The following SYK variants were observed in gnomAD, a reference collection of about 807,000 sequenced individuals.
SYK encodes tyrosine-protein kinase SYK.
Under a neutral mutation model 77.8 loss-of-function variants are expected in SYK, and 16 were observed. The ratio of observed to expected loss-of-function variants is 0.21; its 90% CI spans 0.14 to 0.31. The LOEUF (loss-of-function observed/expected upper bound fraction) is 0.31. SYK is among the 10% of genes least tolerant of loss of function. The pLI is 1.00. For synonymous variants in SYK, 312 were observed against 308.7 expected (o/e 1.01, Z -0.11); for missense variants, 529 against 814.4 (o/e 0.65, Z 4.26).
intron 3 of SYK, among the ~76,000 whole-genome samples, chr9:90,855,932 A>G (rs1827022590): frequency 6.6e-6 from 1 of 152,230 alleles, no homozygotes; most frequent in African/African-American, 2.4e-5. Context: ...ATTAACAACT[A>G]TGATCATTTG....
intron 3 of SYK, among the ~76,000 whole-genome samples, chr9:90,851,302 C>G (rs904617369): frequency 1.3e-5 from 2 of 152,194 alleles, no homozygotes; most frequent in East Asian, 1.9e-4. Context: ...ATCAGCTTTC[C>G]CCTCTCTTGT....
In SYK at chr9:90,896,203, G is replaced by GA. The variant is rs57651872; in HGVS notation, c.*615dup. On this transcript the variant is annotated 3_prime_UTR_variant, in exon 14 of 14. Coordinates refer to ENST00000375754, the MANE Select transcript of SYK (RefSeq NM_003177.7). ...GTAGCCAGTTAAGGAAAGAAAGAAA[G>GA]AAAAAAAAAAAAGGCCTGGATACTG... The GA allele has an allele frequency of 0.065, 11,788 of 180,036 alleles. 126 individuals carry two copies. The highest frequency in any genetic ancestry group is 0.22 in the East Asian group (2,559 of 11,586). 11.2% of individuals were successfully genotyped at this position (180,036 alleles called of 1,614,324 possible). A position where few individuals can be genotyped will look rare whatever the true frequency, so the allele number is the denominator to read the frequency against.
intron 1 of SYK, among the ~76,000 whole-genome samples, chr9:90,810,980 A>C (rs902717040): frequency 1.5e-4 from 23 of 152,192 alleles, no homozygotes; most frequent in Admixed American, 1.5e-3. Context: ...AAAAAAACAA[A>C]ACTTTGCTCT....
At chr9:90,869,952 A>G (rs2118844356) in intron 7 of SYK, among the ~76,000 whole-genome samples, 2 of 152,270 alleles carry the variant, frequency 1.3e-5, no homozygotes, top group South Asian at 4.1e-4. Context: ...TATTAAAAAT[A>G]CAAAAATTAG....
intron 1 of SYK, among the ~76,000 whole-genome samples, chr9:90,842,956 G>A (rs1454411349): frequency 6.6e-6 from 1 of 152,046 alleles, no homozygotes; most frequent in Non-Finnish European, 1.5e-5. Context: ...TGATTGAGAG[G>A]GAATACTCTC....
At chr9:90,869,205 AT>A (rs1206124732) in intron 7 of SYK, among the ~76,000 whole-genome samples, 10 of 152,118 alleles carry the variant, frequency 6.6e-5, no homozygotes, top group Admixed American at 5.9e-4. Flanking sequence ...ATTTTAATCA[AT>A]TTTTTTAAAA....
intron 7 of SYK, among the ~76,000 whole-genome samples, chr9:90,871,584 C>T (rs751376987): frequency 3.3e-5 from 5 of 152,120 alleles, no homozygotes; most frequent in Non-Finnish European, 5.9e-5. Flanking sequence ...GCATATTCAC[C>T]AAGTGCTTTG....
intron 1 of SYK, among the ~76,000 whole-genome samples, chr9:90,841,195 A>G (rs958293103): frequency 1.4e-5 from 2 of 144,010 alleles, no homozygotes; most frequent in Non-Finnish European, 3.0e-5. Context: ...AGTGTGTAGT[A>G]TGTGTGTTGC....
intron 3 of SYK, among the ~76,000 whole-genome samples, chr9:90,846,679 A>G (rs1826607748): frequency 6.8e-6 from 1 of 146,674 alleles, no homozygotes; most frequent in African/African-American, 2.5e-5. Context: ...AAAGAAAAGA[A>G]AAATTGACCA....
chr9:90,894,171 C>T (rs537441501), intron 13 of SYK, among the ~76,000 whole-genome samples: 1 of 152,328 alleles, frequency 6.6e-6, no homozygotes, highest in South Asian at 2.1e-4. Flanking sequence ...GAGCAGAGCC[C>T]CCTGTTTTGC....
At chr9:90,861,492 T>C (rs1027138247) in intron 3 of SYK, among the ~76,000 whole-genome samples, 5 of 151,702 alleles carry the variant, frequency 3.3e-5, no homozygotes, top group Non-Finnish European at 7.4e-5. Flanking sequence ...AGTCCAGCCC[T>C]GCCTCCCTTT....
At chr9:90,843,686 A>G (rs950403321) in intron 1 of SYK, among the ~76,000 whole-genome samples, 172 bp from the exon 2 acceptor site, 1 of 152,214 alleles carries the variant, frequency 6.6e-6, no homozygotes, top group Non-Finnish European at 1.5e-5. Context: ...TGAAAACTGT[A>G]ATGATGATGT....
chr9:90,893,164 T>C (rs549105123), intron 13 of SYK, among the ~76,000 whole-genome samples: 3 of 152,310 alleles, frequency 2.0e-5, no homozygotes, highest in African/African-American at 7.2e-5. Flanking sequence ...AAAATAAGTG[T>C]GTCCTATGAT....
chr9:90,829,765 G>T (rs1825812579), intron 1 of SYK, among the ~76,000 whole-genome samples: 1 of 152,128 alleles, frequency 6.6e-6, no homozygotes, highest in Non-Finnish European at 1.5e-5. Flanking sequence ...GCACCAGATG[G>T]GCTGGTTGTT....
At chr9:90,881,886 C>T (rs1828173375) in intron 11 of SYK, among the ~76,000 whole-genome samples, 2 of 152,044 alleles carry the variant, frequency 1.3e-5, no homozygotes, top group African/African-American at 4.8e-5. Context: ...CACGGGCTGC[C>T]ACGGCAAAAA....
intron 1 of SYK, among the ~76,000 whole-genome samples, chr9:90,842,273 C>T (rs570572997): frequency 3.6e-5 from 5 of 137,854 alleles, no homozygotes; most frequent in South Asian, 4.7e-4. Context: ...GGCATGTGTT[C>T]GTAGTGTGTG....
At chr9:90,803,696 A>G (rs1824705084) in intron 1 of SYK, among the ~76,000 whole-genome samples, 1 of 152,084 alleles carries the variant, frequency 6.6e-6, no homozygotes, top group African/African-American at 2.4e-5. Context: ...CATGGTTATA[A>G]TCCAATATGC....
intron 1 of SYK, among the ~76,000 whole-genome samples, chr9:90,830,064 A>G (rs952788046): frequency 9.9e-5 from 15 of 152,260 alleles, no homozygotes; most frequent in African/African-American, 3.6e-4. Flanking sequence ...AGTAAAAATC[A>G]TGCCTCATGC....
chr9:90,804,596 C>A (rs1487189601), intron 1 of SYK, among the ~76,000 whole-genome samples: 7 of 152,160 alleles, frequency 4.6e-5, no homozygotes, highest in African/African-American at 1.7e-4. Context: ...GAGAAAACAA[C>A]AACAACAACA....
Sources: gnomAD v4.1 joint callset for allele counts (sites outside exome capture counted in the v4.1 genomes callset) on GRCh38, gnomAD v4.1.1 for gene constraint, MANE v1.5 for transcripts, NCBI Gene and HGNC (gene_info 2026-07-23, HGNC 2026-07-21) for gene names.